KLF8: variants seen among roughly 807,000 people sequenced by gnomAD.
KLF8 encodes the protein KLF transcription factor 8.
A neutral mutation model predicts 18.2 loss-of-function variants in KLF8; 10 were observed. The ratio of observed to expected loss-of-function variants is 0.55; its 90% confidence interval spans 0.34 to 0.93. The LOEUF (loss-of-function observed/expected upper bound fraction) is 0.93. KLF8 is among the 40% of genes least tolerant of loss of function. KLF8 has a pLI of 0.02. For missense variants in KLF8, 264 were observed against 277.9 expected (o/e 0.95, Z 0.36); for synonymous variants, 109 against 97.3 (o/e 1.12, Z -0.71).
At chrX:56,050,736 T>C in the KLF8 span, among the ~76,000 whole-genome samples, 1 of 112,246 alleles carries the variant, frequency 8.9e-6, no homozygotes, top group African/African-American at 3.2e-5. Context: ...GAAAAAAATG[T>C]ATATTCTGTT....
At chrX:55,985,285 T>C in the KLF8 span, among the ~76,000 whole-genome samples, 4 of 112,422 alleles carry the variant, frequency 3.6e-5, no homozygotes, top group Admixed American at 3.8e-4. Context: ...TTAATCCATC[T>C]TGAATCAATT....
At chrX:56,038,201 C>T in the KLF8 span, among the ~76,000 whole-genome samples, 1 of 111,887 alleles carries the variant, frequency 8.9e-6, no homozygotes, top group South Asian at 3.7e-4. Flanking sequence ...TGTATATTTA[C>T]CAAATTTTCT....
chrX:56,027,137 A>G, the KLF8 span, among the ~76,000 whole-genome samples: 12 of 112,447 alleles, frequency 1.1e-4, 1 homozygote, highest in East Asian at 3.4e-3. Flanking sequence ...CCCATCTGGT[A>G]ACTTTATCCA....
the KLF8 span, among the ~76,000 whole-genome samples, chrX:56,190,638 A>C: frequency 8.9e-6 from 1 of 111,946 alleles, no homozygotes; most frequent in Non-Finnish European, 1.9e-5. Context: ...TTCTCTGAAC[A>C]TAATGGAATA....
the KLF8 span, among the ~76,000 whole-genome samples, chrX:56,120,979 G>T: frequency 9.0e-6 from 1 of 110,650 alleles, no homozygotes; most frequent in Non-Finnish European, 1.9e-5. Flanking sequence ...GAGGTCAGGA[G>T]ATTGAGACCA....
At chrX:55,925,021 A>AT in the KLF8 span, among the ~76,000 whole-genome samples, 10 of 92,650 alleles carry the variant, frequency 1.1e-4, no homozygotes, top group Admixed American at 2.3e-4. Context: ...ACGCCCAGCT[A>AT]ATTTTTTTTT....
At chrX:56,241,536 A>G (rs1183942658) in intron 1 of KLF8, among the ~76,000 whole-genome samples, 3 of 112,435 alleles carry the variant, frequency 2.7e-5, no homozygotes, top group African/African-American at 9.7e-5. Context: ...AGAAAACTTA[A>G]TCCTTCTTGA....
chrX:55,982,573 A>G, the KLF8 span, among the ~76,000 whole-genome samples: 1 of 111,872 alleles, frequency 8.9e-6, no homozygotes, highest in Admixed American at 9.5e-5. Flanking sequence ...TGGAGATAGC[A>G]TAGCTATTAA....
chrX:56,120,509 A>T, the KLF8 span, among the ~76,000 whole-genome samples: 2 of 111,707 alleles, frequency 1.8e-5, no homozygotes. Context: ...CTCAAAAGAG[A>T]GATGAAAGAG....
the KLF8 span, among the ~76,000 whole-genome samples, chrX:56,018,565 G>A: frequency 1.8e-5 from 2 of 110,657 alleles, no homozygotes; most frequent in Non-Finnish European, 3.8e-5. Context: ...AACAAGTATG[G>A]CCTAACTCTC....
the KLF8 span, among the ~76,000 whole-genome samples, chrX:56,063,342 G>A: frequency 9.0e-6 from 1 of 111,642 alleles, no homozygotes; most frequent in African/African-American, 3.3e-5. Context: ...ACCTTCAGAT[G>A]AAGTTTCTGT....
At chrX:56,084,377 AAAAC>A in the KLF8 span, among the ~76,000 whole-genome samples, 7 of 111,293 alleles carry the variant, frequency 6.3e-5, no homozygotes, top group African/African-American at 1.3e-4. Context: ...TGAGACCCTG[AAAAC>A]AAACAAACAA....
At chrX:56,245,633 C>T (rs1320757102) in intron 1 of KLF8, among the ~76,000 whole-genome samples, 1 of 112,056 alleles carries the variant, frequency 8.9e-6, no homozygotes, top group Non-Finnish European at 1.9e-5. Flanking sequence ...GACACAAAGG[C>T]TTGAAGAGCC....
the KLF8 span, among the ~76,000 whole-genome samples, chrX:56,071,948 G>C: frequency 8.9e-6 from 1 of 112,113 alleles, no homozygotes; most frequent in Non-Finnish European, 1.9e-5. Flanking sequence ...GACACTGCAT[G>C]AGACAGCCTG....
At chrX:56,139,758 A>G in the KLF8 span, among the ~76,000 whole-genome samples, 1 of 112,102 alleles carries the variant, frequency 8.9e-6, no homozygotes, top group Non-Finnish European at 1.9e-5. Context: ...AATACCAAGA[A>G]AAGCAAAAAC....
chrX:55,943,404 T>A, the KLF8 span, among the ~76,000 whole-genome samples: 3 of 109,054 alleles, frequency 2.8e-5, no homozygotes, highest in East Asian at 2.9e-4. Context: ...GTCTAGGACA[T>A]CCCAACATTT....
chrX:55,945,541 G>T, the KLF8 span, among the ~76,000 whole-genome samples: 24,063 of 110,430 alleles, frequency 0.22, 5,433 homozygotes, highest in African/African-American at 0.69. Context: ...CATACTGAAT[G>T]GGCAAAAACT....
chrX:56,126,809 A>G, the KLF8 span, among the ~76,000 whole-genome samples: 2 of 100,078 alleles, frequency 2.0e-5, no homozygotes, highest in African/African-American at 7.5e-5. Context: ...CTGGAGTGCA[A>G]TGGCACGATC....
chrX:55,960,405 A>T, the KLF8 span, among the ~76,000 whole-genome samples: 1 of 111,236 alleles, frequency 9.0e-6, no homozygotes, highest in Non-Finnish European at 1.9e-5. Context: ...AATCTCAGCT[A>T]CTCGGGAGGC....
Sources: gnomAD v4.1 joint callset for allele counts (sites outside exome capture counted in the v4.1 genomes callset) on GRCh38, gnomAD v4.1.1 for gene constraint, MANE v1.5 for transcripts, NCBI Gene and HGNC (gene_info 2026-07-23, HGNC 2026-07-21) for gene names.